ADAMTS17: variants seen among roughly 807,000 people sequenced by gnomAD.
The protein encoded by ADAMTS17 is A disintegrin and metalloproteinase with thrombospondin motifs 17.
In ADAMTS17, 113 loss-of-function variants were observed where a neutral mutation model predicts 141.5. That is an observed-to-expected ratio of 0.80 (90% CI 0.69 to 0.93). ADAMTS17 has a LOEUF of 0.93. Ranked by LOEUF, ADAMTS17 falls within the 40% of genes least tolerant of loss-of-function variation. The pLI is 0.00. For synonymous variants in ADAMTS17, 768 were observed against 630.6 expected (o/e 1.22, Z -3.27); for missense variants, 1,659 against 1,517.9 (o/e 1.09, Z -1.54).
chr15:99,984,136 C>G (rs1253391967), intron 20 of ADAMTS17, among the ~76,000 whole-genome samples: 1 of 152,180 alleles, frequency 6.6e-6, no homozygotes, highest in Non-Finnish European at 1.5e-5. Context: ...CCTCTGAATT[C>G]GCGGCCTGCT....
intron 20 of ADAMTS17, among the ~76,000 whole-genome samples, chr15:99,984,706 A>AG (rs1466543176): frequency 1.3e-5 from 2 of 152,238 alleles, no homozygotes; most frequent in East Asian, 3.9e-4. Flanking sequence ...GGACAGCAGT[A>AG]GGGCTGGGTT....
chr15:100,135,146 G>C (rs1478087061), intron 10 of ADAMTS17, among the ~76,000 whole-genome samples: 5 of 152,168 alleles, frequency 3.3e-5, no homozygotes, highest in African/African-American at 9.7e-5. Context: ...GGATTTTATA[G>C]ACAGGGCTTT....
At position 100,330,317 on chromosome 15, in the gene ADAMTS17, G is replaced by A. The variant is rs567924901; in HGVS notation, c.616+572C>T. 5.3e-5 allele frequency among the ~76,000 whole-genome samples: 8 copies of A among 152,332 alleles called. No homozygotes were observed. The East Asian group carries it at 1.2e-3, about 22-fold the overall frequency. On this transcript the variant is annotated intron_variant, in intron 3 of 21. Coordinates refer to ENST00000268070, the MANE Select transcript of ADAMTS17 (RefSeq NM_139057.4). ...AGCAGTGGTTCTCACACTTTAGCAC[G>A]TATCTAAATCCCCTGGAGGACCCGT...
At chr15:100,084,314 G>A (rs998922640) in intron 15 of ADAMTS17, among the ~76,000 whole-genome samples, 1 of 152,188 alleles carries the variant, frequency 6.6e-6, no homozygotes, top group Admixed American at 6.5e-5. Flanking sequence ...CGCCATTGCC[G>A]AGGCTTGAGT....
chr15:100,086,103 C>T lies in ADAMTS17; in HGVS notation c.2137+10253G>A, dbSNP rs367589126. 1.7e-4 allele frequency among the ~76,000 whole-genome samples: 26 copies of T among 152,032 alleles called. No individual in the cohort carries two copies. The South Asian group carries it at 4.4e-3, about 25-fold the overall frequency. The stretch of plus-strand genomic sequence containing the variant: ...CAGTGTGCTGTATTCAGGAAACCCA[C>T]CTCATGTGCAGAGACACACATAGGC... On this transcript the variant is annotated intron_variant, in intron 15 of 21. Transcript: ENST00000268070.
chr15:100,249,484 G>C (rs780409427), intron 7 of ADAMTS17, among the ~76,000 whole-genome samples: 2 of 152,214 alleles, frequency 1.3e-5, no homozygotes, highest in South Asian at 4.1e-4. Context: ...GGGGTGGGGA[G>C]GGGCAGACCA....
chr15:100,110,565 G>T (rs2036710789), intron 13 of ADAMTS17, among the ~76,000 whole-genome samples: 1 of 152,026 alleles, frequency 6.6e-6, no homozygotes, highest in Admixed American at 6.6e-5. Flanking sequence ...CGCCCCGCAA[G>T]ACTCAGTATA....
chr15:100,163,456 G>C (rs1017693181), intron 8 of ADAMTS17, among the ~76,000 whole-genome samples: 3 of 152,030 alleles, frequency 2.0e-5, no homozygotes, highest in African/African-American at 7.2e-5. Context: ...ATGGGCAGGA[G>C]GTGTGGAGTC....
chr15:100,001,976 C>CAAAAAAAAA (rs71151930), intron 18 of ADAMTS17, among the ~76,000 whole-genome samples: 1 of 33,608 alleles, frequency 3.0e-5, no homozygotes, highest in Admixed American at 5.0e-4. Flanking sequence ...GACTCAGTCT[C>CAAAAAAAAA]AAAAAAAAGG....
rs1276634441 is a variant in ADAMTS17, at chr15:100,244,929, C to T, written c.1075+9207G>A. 3.3e-5 allele frequency among the ~76,000 whole-genome samples: 5 copies of T among 152,276 alleles called. No individual in the cohort carries two copies. In the East Asian group the frequency reaches 5.8e-4, roughly 18 times the overall value. ...TTCCATTTATGATTCTACTCCCCCTCGTGTTTTCGGGGAGGGCTTTGTTGG... is the reference window on the plus strand; with the variant it reads ...TTCCATTTATGATTCTACTCCCCCTTGTGTTTTCGGGGAGGGCTTTGTTGG... On this transcript the variant is annotated intron_variant, in intron 7 of 21. Transcript: ENST00000268070.
At chr15:100,139,332 G>A (rs775700424) in intron 10 of ADAMTS17, among the ~76,000 whole-genome samples, 13 of 152,282 alleles carry the variant, frequency 8.5e-5, no homozygotes, top group East Asian at 1.9e-4. Flanking sequence ...GCCATCGCTC[G>A]GGAAAGACTA....
At chr15:100,168,300 A>G (rs559146228) in intron 8 of ADAMTS17, 75 of 152,350 alleles carry the variant, frequency 4.9e-4, no homozygotes, top group African/African-American at 1.8e-3. Flanking sequence ...AAGCAAGAAC[A>G]CAGCAGAGCT....
intron 20 of ADAMTS17, among the ~76,000 whole-genome samples, chr15:99,987,592 G>T (rs964835515): frequency 1.3e-5 from 2 of 152,190 alleles, no homozygotes; most frequent in African/African-American, 4.8e-5. Flanking sequence ...GGACAGCAAA[G>T]ATGACACATA....
At chr15:100,022,910 A>G (rs972760801) in intron 18 of ADAMTS17, among the ~76,000 whole-genome samples, 1 of 152,228 alleles carries the variant, frequency 6.6e-6, no homozygotes, top group African/African-American at 2.4e-5. Context: ...TCACTCATCC[A>G]TATGCTTTTG....
intron 3 of ADAMTS17, among the ~76,000 whole-genome samples, chr15:100,302,621 A>G (rs2045080359): frequency 1.3e-5 from 2 of 152,076 alleles, no homozygotes; most frequent in South Asian, 4.1e-4. Context: ...TGTAATTTTG[A>G]TTTGCATTTC....
chr15:100,041,016 A>G (rs1399553523), intron 18 of ADAMTS17, among the ~76,000 whole-genome samples: 1 of 152,224 alleles, frequency 6.6e-6, no homozygotes, highest in Non-Finnish European at 1.5e-5. Context: ...GGCAATAGCT[A>G]AAGATCCACG....
chr15:100,084,460 T>A (rs893212221), intron 15 of ADAMTS17, among the ~76,000 whole-genome samples: 1 of 152,194 alleles, frequency 6.6e-6, no homozygotes, highest in African/African-American at 2.4e-5. Flanking sequence ...TCTGCAGACT[T>A]AAATGTCCCT....
At chr15:100,123,143 C>A (rs891961933) in intron 12 of ADAMTS17, among the ~76,000 whole-genome samples, 2 of 152,154 alleles carry the variant, frequency 1.3e-5, no homozygotes, top group Admixed American at 6.5e-5. Flanking sequence ...CACGGGGCTT[C>A]AGGAGACAGT....
intron 15 of ADAMTS17, among the ~76,000 whole-genome samples, chr15:100,064,890 G>A (rs557512553): frequency 7.9e-5 from 12 of 152,266 alleles, no homozygotes; most frequent in East Asian, 1.9e-4. Flanking sequence ...CGTATTAGGC[G>A]TTTGTTTCTG....
Sources: gnomAD v4.1 joint callset for allele counts (sites outside exome capture counted in the v4.1 genomes callset) on GRCh38, gnomAD v4.1.1 for gene constraint, MANE v1.5 for transcripts, NCBI Gene and HGNC (gene_info 2026-07-23, HGNC 2026-07-21) for gene names.